LRBA: variants seen among roughly 807,000 people sequenced by gnomAD.
LRBA encodes the protein lipopolysaccharide-responsive and beige-like anchor protein.
A neutral mutation model predicts 330.0 loss-of-function variants in LRBA; 176 were observed. The observed-to-expected ratio is 0.53, with a 90% CI of 0.47 to 0.60. LRBA has a LOEUF of 0.60. LRBA is among the 20% of genes least tolerant of loss of function. LRBA has a pLI of 0.00. For missense variants in LRBA, 3,259 were observed against 3,444.8 expected, an observed-to-expected ratio of 0.95 and a Z score of 1.35; for synonymous variants, 1,230 against 1,193.0, an observed-to-expected ratio of 1.03 and a Z score of -0.64.
chr4:150,880,409 AC>A (rs1560954551), intron 17 of LRBA, among the ~76,000 whole-genome samples: 1 of 152,002 alleles, frequency 6.6e-6, no homozygotes, highest in Non-Finnish European at 1.5e-5. Context: ...AATCCCAGCT[AC>A]CTGGGAGGCC....
chr4:150,924,645 CAG>C (rs1389754395), intron 4 of LRBA, among the ~76,000 whole-genome samples: 2 of 152,274 alleles, frequency 1.3e-5, no homozygotes, highest in Non-Finnish European at 2.9e-5. Context: ...CAAGGGCAGA[CAG>C]AGATTTAGAT....
intron 47 of LRBA, among the ~76,000 whole-genome samples, chr4:150,393,400 C>T (rs956032051): frequency 2.0e-5 from 3 of 151,544 alleles, no homozygotes; most frequent in Non-Finnish European, 2.9e-5. Context: ...TTCTCCCCCC[C>T]ACCTCTACAA....
intron 37 of LRBA, among the ~76,000 whole-genome samples, chr4:150,658,038 G>A (rs1384057816): frequency 3.9e-5 from 6 of 152,068 alleles, no homozygotes; most frequent in Non-Finnish European, 2.9e-5. Flanking sequence ...CACTGCCTGA[G>A]ATTGTAACAA....
chr4:150,649,232 G>A (rs1254772847), intron 37 of LRBA, among the ~76,000 whole-genome samples: 1 of 152,134 alleles, frequency 6.6e-6, no homozygotes, highest in Non-Finnish European at 1.5e-5. Flanking sequence ...TTCTTAAACT[G>A]TTCCTGGCTC....
In LRBA at chr4:150,912,056, T is replaced by C. The variant is rs561680798; in HGVS notation, c.1161+2139A>G. Among the ~76,000 whole-genome samples the C allele has an allele frequency of 9.8e-5, 15 of 152,294 alleles. No individual in the cohort carries two copies. The South Asian group carries it at 3.1e-3, about 32-fold the overall frequency. On this transcript the variant is annotated intron_variant, in intron 9 of 56. Coordinates refer to ENST00000651943, the MANE Select transcript of LRBA (RefSeq NM_001364905.1). ...TAATGCCTCCTCCTTAATTTCTGAT[T>C]TTACTTATTTATGTGCTCTTCTTTT...
In LRBA at chr4:150,831,838, T is replaced by A; in HGVS notation, c.4708A>T (p.Asn1570Tyr). The change falls in exon 29 of 57, where the codon AAT (asparagine) becomes TAT (tyrosine). Residue 1570 changes from asparagine to tyrosine, a missense_variant. Coordinates refer to ENST00000651943, the MANE Select transcript of LRBA (RefSeq NM_001364905.1). ...TTACCAGAGAGTGATACATTCTCATTTTCACTGCCAGTTTCTGTACATGAC... is the reference window on the plus strand; with the variant it reads ...TTACCAGAGAGTGATACATTCTCATATTCACTGCCAGTTTCTGTACATGAC... Reference protein sequence around the residue: ...SQSCTETGSENENVSLSEITP... With the variant: ...SQSCTETGSEYENVSLSEITP... The A allele has an allele frequency of 3.1e-6, 5 of 1,598,080 alleles. No individual in the cohort carries two copies. The highest frequency in any genetic ancestry group is 4.3e-6 in the Non-Finnish European group (5 of 1,173,084).
intron 35 of LRBA, among the ~76,000 whole-genome samples, chr4:150,760,239 G>C (rs1290441089): frequency 6.6e-6 from 1 of 152,010 alleles, no homozygotes; most frequent in African/African-American, 2.4e-5. Flanking sequence ...AAAGAGTAAA[G>C]AATTAGTCAT....
At chr4:150,578,070 C>T (rs1028118527) in intron 40 of LRBA, among the ~76,000 whole-genome samples, 40 of 152,154 alleles carry the variant, frequency 2.6e-4, no homozygotes, top group Non-Finnish European at 4.9e-4. Context: ...ATACTGTTTT[C>T]CTATAAATGG....
chr4:150,866,136 G>T (rs879815522), intron 22 of LRBA, among the ~76,000 whole-genome samples: 5 of 152,114 alleles, frequency 3.3e-5, no homozygotes, highest in Non-Finnish European at 5.9e-5. Context: ...ATTCCTTCTA[G>T]TCAATTTTTT....
At chr4:150,597,738 A>T (rs1347468538) in intron 38 of LRBA, among the ~76,000 whole-genome samples, 2 of 152,008 alleles carry the variant, frequency 1.3e-5, no homozygotes, top group African/African-American at 2.4e-5. Context: ...AAGAAAAAAA[A>T]ACCCTCTGAA....
rs778899993 is a variant in LRBA, at chr4:150,867,767, T to C, written c.2670A>G (p.Val890=). Residue 890 remains valine (V), a synonymous_variant, in exon 22 of 57, where the codon GTA becomes GTG. Coordinates refer to ENST00000651943, the MANE Select transcript of LRBA (RefSeq NM_001364905.1). ...AAAGCAGGATTCTGAATATGGCGTATACCATTTCTGTTATCTTTTGCTCAT... is the reference window on the plus strand; with the variant it reads ...AAAGCAGGATTCTGAATATGGCGTACACCATTTCTGTTATCTTTTGCTCAT... ...NSDEQKITEM[V]YAIFRILLYH... 1.3e-5 allele frequency: 21 copies of C among 1,613,884 alleles called. No individual in the cohort carries two copies. In the South Asian group the frequency reaches 1.9e-4, roughly 14 times the overall value.
intron 36 of LRBA, among the ~76,000 whole-genome samples, chr4:150,713,008 T>C (rs562456032): frequency 6.6e-6 from 1 of 152,210 alleles, no homozygotes; most frequent in South Asian, 2.1e-4. Context: ...CCGATTACAG[T>C]GCACTGCAGC....
intron 48 of LRBA, among the ~76,000 whole-genome samples, chr4:150,341,526 C>T (rs1735558683): frequency 6.6e-6 from 1 of 152,010 alleles, no homozygotes; most frequent in South Asian, 2.1e-4. Context: ...GTCATAGAGC[C>T]ATACTGTGCT....
chr4:150,502,066 G>A (rs1056030925), intron 40 of LRBA, among the ~76,000 whole-genome samples: 4 of 152,210 alleles, frequency 2.6e-5, no homozygotes, highest in African/African-American at 9.6e-5. Context: ...GCAGATCAGA[G>A]AGAGCTGCAA....
In LRBA at chr4:150,841,501, C is replaced by G. The variant is rs1265688377; in HGVS notation, c.4569+2599G>C. On this transcript the variant is annotated intron_variant, in intron 28 of 56. Coordinates refer to ENST00000651943, the MANE Select transcript of LRBA (RefSeq NM_001364905.1). Reference sequence around the variant, plus strand: ...TTGAACAAGATAAGGCTTAGAGAAGCAACTTACTTAAGGACATATAGTATG... The same window carrying G: ...TTGAACAAGATAAGGCTTAGAGAAGGAACTTACTTAAGGACATATAGTATG... Among the ~76,000 whole-genome samples the G allele has an allele frequency of 9.2e-5, 14 of 152,174 alleles. No individual in the cohort carries two copies. The South Asian group carries it at 2.9e-3, about 32-fold the overall frequency.
At chr4:150,443,741 A>T (rs961276636) in intron 44 of LRBA, among the ~76,000 whole-genome samples, 2 of 151,764 alleles carry the variant, frequency 1.3e-5, no homozygotes, top group African/African-American at 4.8e-5. Context: ...AGATATACTT[A>T]ATGTAAATGA....
At chr4:150,970,556 TACACACACACACAC>T (rs140276590) in intron 2 of LRBA, 8 of 41,684 alleles carry the variant, frequency 1.9e-4, no homozygotes, top group Non-Finnish European at 3.4e-4. Flanking sequence ...TGTGTGTGTG[TACACACACACACAC>T]ACACACACAC....
chr4:150,623,361 A>C (rs1426974716), intron 37 of LRBA, among the ~76,000 whole-genome samples: 3 of 152,184 alleles, frequency 2.0e-5, no homozygotes, highest in African/African-American at 7.2e-5. Flanking sequence ...AGCACCTCTA[A>C]ATAAAGAAAA....
At chr4:150,489,262 A>AC (rs1561250331) in intron 41 of LRBA, among the ~76,000 whole-genome samples, 1 of 58,346 alleles carries the variant, frequency 1.7e-5, no homozygotes, top group African/African-American at 7.1e-5. Context: ...TATTATATAT[A>AC]AGAATATATA....
Sources: gnomAD v4.1 joint callset for allele counts (sites outside exome capture counted in the v4.1 genomes callset) on GRCh38, gnomAD v4.1.1 for gene constraint, MANE v1.5 for transcripts, NCBI Gene and HGNC (gene_info 2026-07-23, HGNC 2026-07-21) for gene names.